The following ZNF804B variants were observed in gnomAD, a reference collection of about 807,000 sequenced individuals.
ZNF804B encodes the protein zinc finger 804B.
A neutral mutation model predicts 101.4 loss-of-function variants in ZNF804B; 80 were observed. The observed-to-expected ratio is 0.79, with a 90% confidence interval of 0.66 to 0.95. The LOEUF (loss-of-function observed/expected upper bound fraction) is 0.95, where lower values mean the gene tolerates loss of function less well. ZNF804B is among the 40% of genes least tolerant of loss of function. The pLI, the probability that ZNF804B is intolerant of heterozygous loss-of-function variation, is 0.00. For synonymous variants in ZNF804B, 622 were observed against 558.8 expected, an observed-to-expected ratio of 1.11 and a Z score of -1.59; for missense variants, 1,673 against 1,561.9, an observed-to-expected ratio of 1.07 and a Z score of -1.20.
chr7:89,118,540 T>C (rs1790350591), intron 1 of ZNF804B, among the ~76,000 whole-genome samples: 1 of 151,702 alleles, frequency 6.6e-6, no homozygotes, highest in Non-Finnish European at 1.5e-5. Context: ...TGTTCTGTTC[T>C]GAGTTTTGCA....
At chr7:88,958,870 G>C (rs1562843923) in intron 1 of ZNF804B, among the ~76,000 whole-genome samples, 1 of 151,424 alleles carries the variant, frequency 6.6e-6, no homozygotes, top group Non-Finnish European at 1.5e-5. Context: ...CTAAAAACTG[G>C]AGAGGTGGAC....
intron 1 of ZNF804B, among the ~76,000 whole-genome samples, chr7:88,980,138 C>T (rs1324168181): frequency 6.6e-6 from 1 of 151,866 alleles, no homozygotes; most frequent in Non-Finnish European, 1.5e-5. Context: ...CATGTGTATA[C>T]ATGCTTGATT....
intron 1 of ZNF804B, among the ~76,000 whole-genome samples, chr7:88,866,287 T>C (rs1791727011): frequency 1.3e-5 from 2 of 152,240 alleles, no homozygotes; most frequent in South Asian, 2.1e-4. Context: ...TGATCAATTA[T>C]TTCCTTTCCT....
chr7:89,076,571 C>A (rs1003949933), intron 1 of ZNF804B, among the ~76,000 whole-genome samples: 1 of 152,090 alleles, frequency 6.6e-6, no homozygotes, highest in Non-Finnish European at 1.5e-5. Context: ...TATAAAGAAC[C>A]TCTCTTATGT....
At chr7:88,783,184 G>A (rs564404512) in intron 1 of ZNF804B, among the ~76,000 whole-genome samples, 33 of 152,212 alleles carry the variant, frequency 2.2e-4, no homozygotes, top group South Asian at 1.0e-3. Flanking sequence ...AACCCACTAA[G>A]CACGTGGCTA....
chr7:88,846,914 A>G (rs1236312404), intron 1 of ZNF804B, among the ~76,000 whole-genome samples: 1 of 137,920 alleles, frequency 7.3e-6, no homozygotes, highest in African/African-American at 3.1e-5. Context: ...TTATATACAC[A>G]TACATATATA....
chr7:89,166,912 T>G (rs1791152728), intron 1 of ZNF804B, among the ~76,000 whole-genome samples: 1 of 152,160 alleles, frequency 6.6e-6, no homozygotes, highest in Non-Finnish European at 1.5e-5. Flanking sequence ...GAATTAATAC[T>G]GCATCTTTAC....
At chr7:89,158,972 T>C (rs1791018247) in intron 1 of ZNF804B, among the ~76,000 whole-genome samples, 1 of 152,138 alleles carries the variant, frequency 6.6e-6, no homozygotes, top group African/African-American at 2.4e-5. Flanking sequence ...CCAAACTTGG[T>C]AATTCCCAGA....
intron 1 of ZNF804B, among the ~76,000 whole-genome samples, chr7:89,215,712 C>A (rs1330680907): frequency 6.6e-6 from 1 of 150,966 alleles, no homozygotes; most frequent in Non-Finnish European, 1.5e-5. Context: ...TGAAATCCCG[C>A]CTCTACTAAA....
chr7:88,791,092 C>A (rs1266914015), intron 1 of ZNF804B, among the ~76,000 whole-genome samples: 2 of 152,038 alleles, frequency 1.3e-5, no homozygotes, highest in African/African-American at 4.8e-5. Context: ...TAAAAAAATT[C>A]TATCAATGGA....
intron 2 of ZNF804B, among the ~76,000 whole-genome samples, chr7:89,232,632 G>C (rs1032441141): frequency 3.9e-5 from 6 of 152,022 alleles, no homozygotes; most frequent in Non-Finnish European, 5.9e-5. Flanking sequence ...GTATTGTCCA[G>C]TTCATGTATG....
chr7:88,893,816 C>T (rs1490654849), intron 1 of ZNF804B, among the ~76,000 whole-genome samples: 1 of 152,070 alleles, frequency 6.6e-6, no homozygotes. Context: ...CTATTTTTAA[C>T]TTTTATTCTC....
intron 2 of ZNF804B, among the ~76,000 whole-genome samples, chr7:89,237,171 A>G (rs571478949): frequency 6.6e-6 from 1 of 152,314 alleles, no homozygotes; most frequent in South Asian, 2.1e-4. Flanking sequence ...AACATGAATA[A>G]CAATAACATT....
chr7:89,180,002 A>G (rs1176049135), intron 1 of ZNF804B, among the ~76,000 whole-genome samples: 2 of 151,996 alleles, frequency 1.3e-5, no homozygotes, highest in African/African-American at 4.8e-5. Flanking sequence ...TCCTAAACTA[A>G]CTGAGTCTCT....
chr7:89,301,099 GT>G (rs5885673), intron 2 of ZNF804B, among the ~76,000 whole-genome samples: 20,983 of 78,016 alleles, frequency 0.27, 1,458 homozygotes, highest in Admixed American at 0.31. Context: ...TTTCAAGCGT[GT>G]TTTTTTTTTT....
intron 1 of ZNF804B, among the ~76,000 whole-genome samples, chr7:88,785,583 T>C (rs758571621): frequency 6.6e-6 from 1 of 152,148 alleles, no homozygotes; most frequent in Non-Finnish European, 1.5e-5. Flanking sequence ...GATAAGGTCA[T>C]GATACTTCTT....
chr7:89,324,607 C>CTTTTTTT (rs35905388), intron 2 of ZNF804B, among the ~76,000 whole-genome samples: 59 of 109,512 alleles, frequency 5.4e-4, no homozygotes, highest in African/African-American at 6.2e-4. Flanking sequence ...TACCTTCTTA[C>CTTTTTTT]TTTTTTTTTT....
chr7:89,228,272 C>G (rs995296498), intron 2 of ZNF804B, among the ~76,000 whole-genome samples: 1 of 152,000 alleles, frequency 6.6e-6, no homozygotes, highest in Admixed American at 6.5e-5. Flanking sequence ...GCAAAGAGCG[C>G]AAGAACAAAG....
chr7:88,834,908 G>C (rs1583965953), intron 1 of ZNF804B, among the ~76,000 whole-genome samples: 1 of 151,686 alleles, frequency 6.6e-6, no homozygotes, highest in East Asian at 1.9e-4. Flanking sequence ...AACAACATAT[G>C]ACAGAATTTT....
Sources: gnomAD v4.1 joint callset for allele counts (sites outside exome capture counted in the v4.1 genomes callset) on GRCh38, gnomAD v4.1.1 for gene constraint, MANE v1.5 for transcripts, NCBI Gene and HGNC (gene_info 2026-07-23, HGNC 2026-07-21) for gene names.